Variants in FMNL2 observed in about 807,000 individuals in gnomAD.
FMNL2 encodes the protein formin like 2.
A neutral mutation model predicts 130.2 loss-of-function variants in FMNL2; 51 were observed. That is an observed-to-expected ratio of 0.39 (90% CI 0.31 to 0.49). FMNL2 has a LOEUF of 0.49. Ranked by LOEUF, FMNL2 falls within the 20% of genes least tolerant of loss-of-function variation. The pLI is 0.85. For synonymous variants in FMNL2, 465 were observed against 467.1 expected (o/e 1.00, Z 0.06); for missense variants, 977 against 1,316.2 (o/e 0.74, Z 3.99).
chr2:152,440,464 G>A (rs1215602989), intron 1 of FMNL2, among the ~76,000 whole-genome samples: 2 of 152,210 alleles, frequency 1.3e-5, no homozygotes, highest in Non-Finnish European at 2.9e-5. Flanking sequence ...TAAGGACAAG[G>A]GAAATGGCCC....
chr2:152,582,327 A>ATAGG (rs1696837880), intron 9 of FMNL2, among the ~76,000 whole-genome samples: 2 of 152,268 alleles, frequency 1.3e-5, no homozygotes, highest in African/African-American at 4.8e-5. Flanking sequence ...TGTTCTAGAC[A>ATAGG]CCAGCCTGTG....
intron 1 of FMNL2, among the ~76,000 whole-genome samples, chr2:152,453,320 A>C (rs990459794): frequency 5.3e-5 from 8 of 152,186 alleles, no homozygotes. Context: ...AGACTCCTTC[A>C]TTAGGAGCAG....
intron 1 of FMNL2, among the ~76,000 whole-genome samples, chr2:152,502,981 G>T (rs1691933829): frequency 6.6e-6 from 1 of 152,084 alleles, no homozygotes; most frequent in African/African-American, 2.4e-5. Context: ...ATGTTTTCCG[G>T]GCAAGTGATA....
chr2:152,584,618 T>C (rs1399792436), intron 9 of FMNL2, among the ~76,000 whole-genome samples: 1 of 152,222 alleles, frequency 6.6e-6, no homozygotes, highest in South Asian at 2.1e-4. Context: ...AAAGGCCATG[T>C]ATCTTAAGTA....
chr2:152,487,498 T>A (rs1161597137), intron 1 of FMNL2, among the ~76,000 whole-genome samples: 1 of 152,212 alleles, frequency 6.6e-6, no homozygotes, highest in Non-Finnish European at 1.5e-5. Flanking sequence ...ATCAATGATA[T>A]CGGCGAAAAC....
chr2:152,521,904 G>A, intron 1 of FMNL2, 39 bp from the exon 2 acceptor site: 1 of 1,527,158 alleles, frequency 6.5e-7, no homozygotes. Context: ...GCCTGCTGTG[G>A]AATGTGACAT....
At chr2:152,385,627 G>A (rs1160940544) in intron 1 of FMNL2, among the ~76,000 whole-genome samples, 1 of 152,180 alleles carries the variant, frequency 6.6e-6, no homozygotes, top group Non-Finnish European at 1.5e-5. Context: ...GTAAGATAAG[G>A]CAAAAGTATA....
Position 152,649,687 on chromosome 2 carries a change from A to C in FMNL2, c.*1782A>C, listed in dbSNP as rs1683912048. ...CCTATTTATTAATCTACAAATAGACAACGTTGGCATGTTCTTTTCTGTTTG... is the reference window on the plus strand; with the variant it reads ...CCTATTTATTAATCTACAAATAGACCACGTTGGCATGTTCTTTTCTGTTTG... On this transcript the variant is annotated 3_prime_UTR_variant, in exon 26 of 26. Coordinates refer to ENST00000288670, the MANE Select transcript of FMNL2 (RefSeq NM_052905.4). 1 of 152,664 alleles carries C rather than the reference A, an allele frequency of 6.6e-6. No individual in the cohort carries two copies. The highest frequency in any genetic ancestry group is 1.5e-5 in the Non-Finnish European group (1 of 68,030). 9.5% of individuals were successfully genotyped at this position (152,664 alleles called of 1,614,324 possible). A position where few individuals can be genotyped will look rare whatever the true frequency, so the allele number is the denominator to read the frequency against.
In FMNL2 at chr2:152,637,731, G is replaced by A. The variant is rs1580155315; in HGVS notation, c.2946+57G>A. The A allele has an allele frequency of 1.5e-5, 23 of 1,485,812 alleles. No homozygotes were observed. In the South Asian group the frequency reaches 2.4e-4, roughly 16 times the overall value. 92.0% of individuals were successfully genotyped at this position (1,485,812 alleles called of 1,614,324 possible). A position where few individuals can be genotyped will look rare whatever the true frequency, so the allele number is the denominator to read the frequency against. ...CTCAAGCAATTGCCCTCCTTGAGAT[G>A]TGTCTGAGTCCCAACTCTCTGCAGA... On this transcript the variant is annotated intron_variant, in intron 23 of 25. Coordinates refer to ENST00000288670, the MANE Select transcript of FMNL2 (RefSeq NM_052905.4).
chr2:152,363,515 C>T (rs937371834), intron 1 of FMNL2, among the ~76,000 whole-genome samples: 20 of 151,994 alleles, frequency 1.3e-4, no homozygotes, highest in Non-Finnish European at 2.2e-4. Context: ...GTAGAATAAT[C>T]GGATTTTGGT....
At chr2:152,477,171 A>G (rs1386131669) in intron 1 of FMNL2, among the ~76,000 whole-genome samples, 3 of 152,238 alleles carry the variant, frequency 2.0e-5, no homozygotes, top group African/African-American at 7.2e-5. Flanking sequence ...ACAATTAAGC[A>G]AAAAGTTAGT....
chr2:152,621,112 A>G, intron 15 of FMNL2: 1 of 985,374 alleles, frequency 1.0e-6, no homozygotes, highest in Non-Finnish European at 1.2e-6. Context: ...GGGTGTGGAA[A>G]CCCATTATCG....
chr2:152,635,323 C>A (rs969904997), intron 21 of FMNL2, among the ~76,000 whole-genome samples: 6 of 152,164 alleles, frequency 3.9e-5, no homozygotes, highest in Non-Finnish European at 5.9e-5. Flanking sequence ...CTCTCGTGTC[C>A]TTTGCAAAAC....
At chr2:152,407,638 T>C (rs1477717273) in intron 1 of FMNL2, among the ~76,000 whole-genome samples, 1 of 152,258 alleles carries the variant, frequency 6.6e-6, no homozygotes, top group Non-Finnish European at 1.5e-5. Context: ...ATCTGCCCCA[T>C]TGAGTCTGTT....
intron 13 of FMNL2, among the ~76,000 whole-genome samples, chr2:152,618,566 C>A (rs1699072557): frequency 6.6e-6 from 1 of 152,188 alleles, no homozygotes; most frequent in African/African-American, 2.4e-5. Context: ...CATTCCGGGT[C>A]ATTTCTGCTC....
intron 1 of FMNL2, among the ~76,000 whole-genome samples, chr2:152,424,398 T>C (rs1337687690): frequency 6.6e-6 from 1 of 151,648 alleles, no homozygotes; most frequent in Non-Finnish European, 1.5e-5. Context: ...TACCATCTTT[T>C]TTTTTTTTTT....
At position 152,335,419 on chromosome 2, in the gene FMNL2, G is replaced by C. The variant is rs1470453352; in HGVS notation, c.-185G>C. 6.3e-6 allele frequency: 2 copies of C among 319,144 alleles called. No homozygotes were observed. Among genetic ancestry groups the C allele is most frequent in the East Asian group, 5.4e-5 (1 of 18,436 alleles). 19.8% of individuals were successfully genotyped at this position (319,144 alleles called of 1,614,324 possible). A position where few individuals can be genotyped will look rare whatever the true frequency, so the allele number is the denominator to read the frequency against. On this transcript the variant is annotated 5_prime_UTR_variant, in exon 1 of 26. Transcript: ENST00000288670. ...CGGCGGAGAGCATGAGGGAGGCCGG[G>C]GGGCGGCTCGGCTTGGAGCGCTGCT...
intron 17 of FMNL2, 142 bp from the exon 18 acceptor site, chr2:152,628,157 G>T: frequency 1.4e-6 from 1 of 711,638 alleles, no homozygotes; most frequent in Non-Finnish European, 2.4e-6. Flanking sequence ...GACAGCTGGA[G>T]AAATCTTAGA....
At chr2:152,635,583 A>C (rs1682527384) in intron 21 of FMNL2, among the ~76,000 whole-genome samples, 1 of 152,270 alleles carries the variant, frequency 6.6e-6, no homozygotes, top group Non-Finnish European at 1.5e-5. Context: ...AATATCAAAC[A>C]GCAGATTTCA....
Sources: allele counts gnomAD v4.1 joint callset (sites outside exome capture counted in the v4.1 genomes callset), GRCh38; gene constraint gnomAD v4.1.1; transcripts MANE v1.5; gene names NCBI Gene and HGNC (gene_info 2026-07-23, HGNC 2026-07-21).